Variants in ATP2B2 observed in about 807,000 individuals in gnomAD.
The protein encoded by ATP2B2 is ATPase plasma membrane Ca2+ transporting 2.
A neutral mutation model predicts 120.0 loss-of-function variants in ATP2B2; 15 were observed. The observed-to-expected ratio is 0.12, with a 90% CI of 0.08 to 0.19. ATP2B2 has a LOEUF of 0.19. Ranked by LOEUF, ATP2B2 falls within the 10% of genes least tolerant of loss-of-function variation. The pLI, the probability that ATP2B2 is intolerant of heterozygous loss-of-function variation, is 1.00. For synonymous variants in ATP2B2, 694 were observed against 700.3 expected (o/e 0.99, Z 0.14); for missense variants, 1,045 against 1,719.8 (o/e 0.61, Z 6.94).
chr3:10,651,763 G>GGATGGATA (rs954209084), intron 1 of ATP2B2, among the ~76,000 whole-genome samples: 2 of 151,938 alleles, frequency 1.3e-5, no homozygotes, highest in African/African-American at 4.8e-5. Flanking sequence ...ATGGATGGAT[G>GGATGGATA]GATGGATGGA....
At chr3:10,684,606 T>C (rs745908262) in intron 1 of ATP2B2, among the ~76,000 whole-genome samples, 3 of 152,238 alleles carry the variant, frequency 2.0e-5, no homozygotes, top group Non-Finnish European at 4.4e-5. Context: ...TCTGTCTCAA[T>C]GAAAATCAGG....
chr3:10,345,434 C>T lies in ATP2B2; in HGVS notation c.2653G>A (p.Val885Ile), dbSNP rs1475079434. The T allele has an allele frequency of 6.2e-7, 1 of 1,614,162 alleles. No individual in the cohort carries two copies. The highest frequency in any genetic ancestry group is 1.7e-5 in the Admixed American group (1 of 60,026). ...ISKFLQFQLTVNVVAVIVAFT... is the reference protein window; with the variant it reads ...ISKFLQFQLTINVVAVIVAFT... The stretch of plus-strand genomic sequence containing the variant: ...GCCACAATCACGGCCACCACGTTGA[C>T]GGTGAGCTGGAACTGCAAGAATTTG... The change falls in exon 18 of 23, where the codon GTC (valine) becomes ATC (isoleucine). Residue 885 changes from valine (V) to isoleucine (I), a missense_variant. Coordinates refer to ENST00000360273, the MANE Select transcript of ATP2B2 (RefSeq NM_001001331.4).
At chr3:10,640,042 C>A (rs1575584214) in intron 1 of ATP2B2, among the ~76,000 whole-genome samples, 1 of 152,206 alleles carries the variant, frequency 6.6e-6, no homozygotes, top group Admixed American at 6.5e-5. Context: ...CCCAGGAGAC[C>A]TTTTAGGCTC....
At chr3:10,494,505 C>T (rs1291809611) in intron 1 of ATP2B2, among the ~76,000 whole-genome samples, 1 of 152,200 alleles carries the variant, frequency 6.6e-6, no homozygotes, top group Non-Finnish European at 1.5e-5. Context: ...GTGCCTTCTC[C>T]TCCAGTTAAG....
chr3:10,545,205 A>G (rs2067518983), intron 2 of ATP2B2, among the ~76,000 whole-genome samples: 1 of 152,190 alleles, frequency 6.6e-6, no homozygotes, highest in African/African-American at 2.4e-5. Context: ...ACTAAATAAT[A>G]TGCGTTGTAA....
chr3:10,332,011 ACT>A, intron 22 of ATP2B2: 1 of 1,550,358 alleles, frequency 6.5e-7, no homozygotes, highest in Non-Finnish European at 8.7e-7. Flanking sequence ...CTCTTGCTGA[ACT>A]CTGTGTCCAG....
At chr3:10,509,330 C>T (rs2066713291), upstream of ATP2B2, among the ~76,000 whole-genome samples, 1 of 152,150 alleles carries the variant, frequency 6.6e-6, no homozygotes. Context: ...GGTCTGTAGA[C>T]ACCTGGGTAG....
chr3:10,350,362 C>T (rs369301322), intron 15 of ATP2B2, 36 bp downstream of exon 15: 39 of 1,613,854 alleles, frequency 2.4e-5, no homozygotes, highest in African/African-American at 1.6e-4. Context: ...CATCTGAGCG[C>T]GTTCCCCTGA....
chr3:10,627,231 G>C (rs1231396253), intron 1 of ATP2B2, among the ~76,000 whole-genome samples: 1 of 152,236 alleles, frequency 6.6e-6, no homozygotes, highest in Admixed American at 6.5e-5. Context: ...TTCCTGCAAG[G>C]AGATGTGCCA....
intron 1 of ATP2B2, among the ~76,000 whole-genome samples, chr3:10,463,357 C>T (rs931362752): frequency 7.9e-5 from 12 of 152,074 alleles, no homozygotes; most frequent in African/African-American, 1.2e-4. Flanking sequence ...ACATGGGAAG[C>T]GAGGAATATT....
intron 5 of ATP2B2, among the ~76,000 whole-genome samples, chr3:10,389,417 C>G (rs2061779940): frequency 6.6e-6 from 1 of 152,142 alleles, no homozygotes; most frequent in Admixed American, 6.5e-5. Flanking sequence ...TATTATTCAG[C>G]CTTAAAGAGA....
chr3:10,393,837 C>T (rs903189461), intron 5 of ATP2B2, among the ~76,000 whole-genome samples: 9 of 152,200 alleles, frequency 5.9e-5, no homozygotes, highest in African/African-American at 2.2e-4. Context: ...ACCTTCCCAG[C>T]TGCAGGCTCA....
At chr3:10,463,503 C>A (rs550238700) in intron 1 of ATP2B2, among the ~76,000 whole-genome samples, 1 of 152,336 alleles carries the variant, frequency 6.6e-6, no homozygotes, top group East Asian at 1.9e-4. Context: ...ACATATGAAC[C>A]CCAGGAAGGA....
intron 1 of ATP2B2, among the ~76,000 whole-genome samples, chr3:10,479,640 T>C (rs747487270): frequency 2.0e-5 from 3 of 152,200 alleles, no homozygotes; most frequent in African/African-American, 7.2e-5. Context: ...ATTATATATA[T>C]ACTTACTGTC....
intron 1 of ATP2B2, among the ~76,000 whole-genome samples, chr3:10,653,223 G>T (rs2070513908): frequency 6.6e-6 from 1 of 152,172 alleles, no homozygotes; most frequent in African/African-American, 2.4e-5. Flanking sequence ...ATGAGGTGTG[G>T]CATGCTCACC....
At chr3:10,409,727 G>T (rs760983357) in intron 3 of ATP2B2, among the ~76,000 whole-genome samples, 13 of 152,152 alleles carry the variant, frequency 8.5e-5, no homozygotes, top group Non-Finnish European at 1.9e-4. Context: ...ATATTCAAGG[G>T]ACCTCAGAGA....
intron 13 of ATP2B2, among the ~76,000 whole-genome samples, chr3:10,359,205 A>G (rs539387161): frequency 6.6e-6 from 1 of 152,336 alleles, no homozygotes; most frequent in African/African-American, 2.4e-5. Flanking sequence ...CATAAAACTC[A>G]GGCTAGTAGT....
intron 2 of ATP2B2, among the ~76,000 whole-genome samples, chr3:10,569,708 A>G (rs2068082244): frequency 6.6e-6 from 1 of 152,056 alleles, no homozygotes; most frequent in African/African-American, 2.4e-5. Context: ...GCTCAGGTGT[A>G]ACACTCTGGG....
chr3:10,368,055 C>T (rs73129288), intron 12 of ATP2B2, among the ~76,000 whole-genome samples: 1,883 of 152,298 alleles, frequency 0.012, 45 homozygotes, highest in African/African-American at 0.042. Context: ...TGGATTCTAA[C>T]GTCACTAACC....
Sources: allele counts gnomAD v4.1 joint callset (sites outside exome capture counted in the v4.1 genomes callset), GRCh38; gene constraint gnomAD v4.1.1; transcripts MANE v1.5; gene names NCBI Gene and HGNC (gene_info 2026-07-23, HGNC 2026-07-21).